GPC3: variants seen among roughly 807,000 people sequenced by gnomAD.
GPC3 encodes glypican 3.
In GPC3, 3 loss-of-function variants were observed where a neutral mutation model predicts 34.4. That is an observed-to-expected ratio of 0.09 (90% CI 0.04 to 0.23). The LOEUF is 0.23. Among genes scored for constraint, GPC3 ranks in the 10% least tolerant of loss-of-function variants. The probability of loss-of-function intolerance (pLI) is 1.00; values close to 1 mark genes in which losing one functional copy is unlikely to be tolerated. For synonymous variants in GPC3, 177 were observed against 174.0 expected (o/e 1.02, Z -0.13); for missense variants, 351 against 445.6 (o/e 0.79, Z 1.91).
At chrX:133,697,670 A>C (rs2124435484) in intron 4 of GPC3, among the ~76,000 whole-genome samples, 1 of 111,963 alleles carries the variant, frequency 8.9e-6, no homozygotes, top group South Asian at 3.8e-4. Flanking sequence ...TCAGAGCCTA[A>C]CCCTTACACA....
chrX:133,855,402 GC>G (rs2124562740), intron 2 of GPC3, among the ~76,000 whole-genome samples: 1 of 109,895 alleles, frequency 9.1e-6, no homozygotes, highest in African/African-American at 3.3e-5. Flanking sequence ...CTGAGCTCAA[GC>G]GATCCGCCCA....
chrX:133,684,716 T>TAAA (rs2070979836), intron 5 of GPC3, among the ~76,000 whole-genome samples: 1 of 110,840 alleles, frequency 9.0e-6, no homozygotes, highest in Admixed American at 9.7e-5. Flanking sequence ...CCCTATAAAT[T>TAAA]AAAAAACAAC....
chrX:133,893,100 A>C (rs1170984673), intron 2 of GPC3, among the ~76,000 whole-genome samples: 3 of 111,054 alleles, frequency 2.7e-5, no homozygotes, highest in African/African-American at 9.8e-5. Flanking sequence ...TACTAAAAAT[A>C]CCAAATATTA....
intron 2 of GPC3, among the ~76,000 whole-genome samples, chrX:133,911,916 T>C (rs1464361331): frequency 3.6e-5 from 4 of 111,806 alleles, no homozygotes; most frequent in Non-Finnish European, 7.5e-5. Context: ...TTGAGTAGTA[T>C]CAAGTTTAAA....
chrX:133,717,611 G>A (rs2071328136), intron 3 of GPC3, among the ~76,000 whole-genome samples: 1 of 110,676 alleles, frequency 9.0e-6, no homozygotes. Context: ...CCTCTCACGA[G>A]GACCCCCTTA....
At chrX:133,920,127 A>G in intron 2 of GPC3, among the ~76,000 whole-genome samples, 2 of 108,736 alleles carry the variant, frequency 1.8e-5, no homozygotes, top group Middle Eastern at 9.4e-3. Flanking sequence ...TCACACCACT[A>G]CACCCCAGTC....
chrX:133,744,810 C>T (rs1421858026), intron 3 of GPC3, among the ~76,000 whole-genome samples: 5 of 112,161 alleles, frequency 4.5e-5, no homozygotes, highest in African/African-American at 6.5e-5. Flanking sequence ...GGTACATATA[C>T]ACCATGTAAT....
chrX:133,716,706 A>G (rs1349561285), intron 3 of GPC3, among the ~76,000 whole-genome samples: 2 of 111,639 alleles, frequency 1.8e-5, no homozygotes, highest in African/African-American at 3.3e-5. Flanking sequence ...GTGTGCCAAC[A>G]TACATATAAT....
intron 6 of GPC3, among the ~76,000 whole-genome samples, chrX:133,640,133 G>A (rs1195596933): frequency 8.9e-6 from 1 of 111,998 alleles, no homozygotes; most frequent in Non-Finnish European, 1.9e-5. Context: ...AATATTTCCT[G>A]TCTTAGGCAC....
intron 2 of GPC3, among the ~76,000 whole-genome samples, chrX:133,794,752 G>A (rs750526926): frequency 8.9e-6 from 1 of 112,224 alleles, no homozygotes; most frequent in Non-Finnish European, 1.9e-5. Flanking sequence ...TGGCTACTAA[G>A]TGGCTGAAGA....
intron 6 of GPC3, among the ~76,000 whole-genome samples, chrX:133,660,098 A>G (rs752366679): frequency 1.8e-5 from 2 of 112,176 alleles, no homozygotes; most frequent in Admixed American, 1.9e-4. Context: ...CTCACTGAGT[A>G]CAGAGCACCT....
At chrX:133,610,530 G>A (rs754932458) in intron 6 of GPC3, among the ~76,000 whole-genome samples, 4 of 110,021 alleles carry the variant, frequency 3.6e-5, no homozygotes, top group South Asian at 8.0e-4. Context: ...TTAACATTTT[G>A]TTAAATAAAT....
intron 7 of GPC3, 122 bp downstream of exon 7, chrX:133,596,318 G>C (rs1471354792): frequency 4.7e-6 from 3 of 640,681 alleles, no homozygotes; most frequent in African/African-American, 4.4e-5. Context: ...TTTCCTTGAA[G>C]AGTTGATGAG....
intron 2 of GPC3, among the ~76,000 whole-genome samples, chrX:133,948,706 G>A (rs1231281410): frequency 8.9e-6 from 1 of 111,802 alleles, no homozygotes; most frequent in African/African-American, 3.2e-5. Flanking sequence ...ATTGCTCCTG[G>A]CAGTATTGAC....
intron 6 of GPC3, among the ~76,000 whole-genome samples, chrX:133,621,386 G>A (rs773244608): frequency 4.6e-4 from 52 of 112,007 alleles, no homozygotes; most frequent in African/African-American, 1.6e-3. Context: ...AGGGGTTGGG[G>A]AATTCCCTTT....
intron 7 of GPC3, among the ~76,000 whole-genome samples, chrX:133,596,156 C>G (rs2069912186): frequency 9.0e-6 from 1 of 111,591 alleles, no homozygotes; most frequent in Non-Finnish European, 1.9e-5. Flanking sequence ...CCAAGGAAAA[C>G]TCCAATGAGA....
intron 2 of GPC3, among the ~76,000 whole-genome samples, chrX:133,872,806 T>C (rs981438901): frequency 9.0e-6 from 1 of 111,668 alleles, no homozygotes; most frequent in African/African-American, 3.3e-5. Context: ...CCAGCACCAA[T>C]GCTAGAAGAA....
intron 2 of GPC3, 109 bp downstream of exon 2, chrX:133,952,941 G>T: frequency 2.8e-6 from 2 of 718,901 alleles, no homozygotes; most frequent in Non-Finnish European, 4.4e-6. Flanking sequence ...TTAATAGCAA[G>T]CATTAATGCT....
chrX:133,967,786 G>A (rs996489169), intron 1 of GPC3, among the ~76,000 whole-genome samples: 1 of 111,305 alleles, frequency 9.0e-6, no homozygotes, highest in Non-Finnish European at 1.9e-5. Context: ...ACAGCACCCT[G>A]CCCAGCTAAT....
Sources: allele counts gnomAD v4.1 joint callset (sites outside exome capture counted in the v4.1 genomes callset), GRCh38; gene constraint gnomAD v4.1.1; transcripts MANE v1.5; gene names NCBI Gene and HGNC (gene_info 2026-07-23, HGNC 2026-07-21).